Variants in LOC128462377 observed in about 807,000 individuals in gnomAD.
the LOC128462377 span, among the ~76,000 whole-genome samples, chr16:89,409,854 T>A: frequency 7.1e-6 from 1 of 141,038 alleles, no homozygotes; most frequent in South Asian, 2.1e-4. Flanking sequence ...TTATTTATTT[T>A]TTGAGATGGG....
chr16:89,348,342 C>A, the LOC128462377 span, among the ~76,000 whole-genome samples: 1 of 152,142 alleles, frequency 6.6e-6, no homozygotes, highest in Non-Finnish European at 1.5e-5. Context: ...CAAATTTGAA[C>A]TTCTGAGATA....
At chr16:89,343,858 G>T in the LOC128462377 span, 1 of 152,268 alleles carries the variant, frequency 6.6e-6, no homozygotes, top group South Asian at 2.1e-4. Context: ...GTAAGGCTCC[G>T]CTCCTCACTC....
chr16:89,320,565 C>A, the LOC128462377 span, among the ~76,000 whole-genome samples: 2 of 152,204 alleles, frequency 1.3e-5, no homozygotes, highest in African/African-American at 2.4e-5. Flanking sequence ...CACCTCCTGG[C>A]GGATGGCAAC....
chr16:89,342,053 C>T, the LOC128462377 span, among the ~76,000 whole-genome samples: 717 of 38,994 alleles, frequency 0.018, 6 homozygotes, highest in East Asian at 0.045. Context: ...CCACGGCCCA[C>T]GGCGGGAGTG....
At chr16:89,322,484 G>A in the LOC128462377 span, among the ~76,000 whole-genome samples, 1 of 152,198 alleles carries the variant, frequency 6.6e-6, no homozygotes, top group South Asian at 2.1e-4. Context: ...CTCCCCTCAC[G>A]CAGGCACGTG....
the LOC128462377 span, among the ~76,000 whole-genome samples, chr16:89,349,889 CACACACACACACACACACACACAT>C: frequency 9.9e-5 from 13 of 131,008 alleles, no homozygotes; most frequent in Middle Eastern, 3.8e-3. Context: ...CACACACACA[CACACACACACACACACACACACAT>C]ATTCAAACAA....
At chr16:89,325,977 A>G in the LOC128462377 span, among the ~76,000 whole-genome samples, 2,258 of 152,232 alleles carry the variant, frequency 0.015, 61 homozygotes, top group African/African-American at 0.051. Context: ...CCCAATACAC[A>G]CTGCAGGGCA....
chr16:89,415,511 G>T, the LOC128462377 span, among the ~76,000 whole-genome samples: 2 of 143,622 alleles, frequency 1.4e-5, no homozygotes, highest in African/African-American at 5.3e-5. Flanking sequence ...TGATCCACCC[G>T]CCTCGGCCTC....
chr16:89,397,490 G>A, the LOC128462377 span, among the ~76,000 whole-genome samples: 16 of 152,336 alleles, frequency 1.1e-4, no homozygotes, highest in East Asian at 1.7e-3. Context: ...TCCCCGTGGC[G>A]GGCCTTGCTG....
At chr16:89,340,580 G>GT in the LOC128462377 span, among the ~76,000 whole-genome samples, 2 of 152,202 alleles carry the variant, frequency 1.3e-5, no homozygotes, top group African/African-American at 4.8e-5. Context: ...CAGTCCTGTT[G>GT]TAAATCTTTT....
At chr16:89,378,198 G>A in the LOC128462377 span, among the ~76,000 whole-genome samples, 24 of 152,106 alleles carry the variant, frequency 1.6e-4, no homozygotes, top group East Asian at 9.7e-4. Context: ...TTTAAGAAGC[G>A]GGAAAAAAAG....
the LOC128462377 span, among the ~76,000 whole-genome samples, chr16:89,335,214 G>A: frequency 6.8e-4 from 103 of 152,246 alleles, 1 homozygote; most frequent in East Asian, 0.015. Context: ...TTGTCCTGGC[G>A]TTCCATGCAG....
At chr16:89,379,710 A>G in the LOC128462377 span, among the ~76,000 whole-genome samples, 1 of 152,210 alleles carries the variant, frequency 6.6e-6, no homozygotes, top group Non-Finnish European at 1.5e-5. Context: ...AGCTCCGTGC[A>G]GTGCACGGAT....
At chr16:89,369,835 C>A in the LOC128462377 span, among the ~76,000 whole-genome samples, 1 of 152,220 alleles carries the variant, frequency 6.6e-6, no homozygotes, top group Non-Finnish European at 1.5e-5. Context: ...AATGCCACCA[C>A]TGGGGAAGCT....
chr16:89,318,061 A>C, the LOC128462377 span, among the ~76,000 whole-genome samples: 1 of 152,148 alleles, frequency 6.6e-6, no homozygotes, highest in Non-Finnish European at 1.5e-5. Context: ...AGGAAACCCA[A>C]CAGGCAGTTG....
At chr16:89,353,350 A>AAG in the LOC128462377 span, among the ~76,000 whole-genome samples, 2,649 of 149,518 alleles carry the variant, frequency 0.018, 69 homozygotes, top group African/African-American at 0.05. Context: ...TCCAAAAAAA[A>AAG]AGAGAGAGAG....
At chr16:89,417,618 T>C in the LOC128462377 span, among the ~76,000 whole-genome samples, 3 of 152,082 alleles carry the variant, frequency 2.0e-5, no homozygotes, top group South Asian at 6.2e-4. Context: ...CACACTGGTC[T>C]CCAGCTCCTA....
chr16:89,325,463 TCTCTCTCACA>T, the LOC128462377 span, among the ~76,000 whole-genome samples: 105 of 139,396 alleles, frequency 7.5e-4, no homozygotes, highest in African/African-American at 2.9e-3. Context: ...TCTCTCTCTC[TCTCTCTCACA>T]CACACACACA....
chr16:89,381,495 T>C, the LOC128462377 span, among the ~76,000 whole-genome samples: 1 of 152,116 alleles, frequency 6.6e-6, no homozygotes, highest in Non-Finnish European at 1.5e-5. Context: ...CATTAAATCA[T>C]CAATAAAAAG....
Sources: gnomAD v4.1 joint callset for allele counts (sites outside exome capture counted in the v4.1 genomes callset) on GRCh38, gnomAD v4.1.1 for gene constraint, MANE v1.5 for transcripts.